The following USP24 variants were observed in gnomAD, a reference collection of about 807,000 sequenced individuals.
USP24 encodes ubiquitin carboxyl-terminal hydrolase 24.
In USP24, 97 loss-of-function variants were observed where a neutral mutation model predicts 361.6. The ratio of observed to expected loss-of-function variants is 0.27; its 90% CI spans 0.23 to 0.32. USP24 has a LOEUF of 0.32. Ranked by LOEUF, USP24 falls within the 10% of genes least tolerant of loss-of-function variation. The probability of loss-of-function intolerance (pLI) is 1.00; values close to 1 mark genes in which losing one functional copy is unlikely to be tolerated. For synonymous variants in USP24, 1,098 were observed against 1,124.6 expected, an observed-to-expected ratio of 0.98 and a Z score of 0.47; for missense variants, 2,353 against 3,165.6, an observed-to-expected ratio of 0.74 and a Z score of 6.16.
chr1:55,124,730 C>T, intron 34 of USP24, 102 bp from the exon 35 acceptor site: 1 of 1,291,420 alleles, frequency 7.7e-7, no homozygotes, highest in Non-Finnish European at 1.1e-6. Context: ...CCTCCTTTCC[C>T]TCCAAGGTCA....
chr1:55,190,453 T>C (rs1464022190), intron 1 of USP24, among the ~76,000 whole-genome samples: 2 of 152,124 alleles, frequency 1.3e-5, no homozygotes, highest in Non-Finnish European at 1.5e-5. Context: ...TTGGCAAAAA[T>C]TACATACTGA....
intron 31 of USP24, among the ~76,000 whole-genome samples, chr1:55,130,832 T>C (rs1646570862): frequency 6.6e-6 from 1 of 152,164 alleles, no homozygotes; most frequent in Non-Finnish European, 1.5e-5. Context: ...AATGAACAAA[T>C]TGCAAAGAAA....
intron 34 of USP24, 46 bp downstream of exon 34, chr1:55,125,274 T>G: frequency 6.4e-7 from 1 of 1,568,996 alleles, no homozygotes; most frequent in Non-Finnish European, 8.8e-7. Flanking sequence ...AACAGGACAT[T>G]CTGAATAAGA....
At chr1:55,082,673 C>T (rs1645174888) in intron 58 of USP24, among the ~76,000 whole-genome samples, 1 of 152,116 alleles carries the variant, frequency 6.6e-6, no homozygotes, top group Admixed American at 6.6e-5. Context: ...ATAGTCCCAG[C>T]TACCAGGGGG....
rs1389808992 is a variant in USP24, at chr1:55,177,932, A to C, written c.490+35T>G. 3 of 1,531,894 alleles carry C rather than the reference A, an allele frequency of 2.0e-6. No homozygotes were observed. In the East Asian group the frequency reaches 7.4e-5, roughly 38 times the overall value. 94.9% of individuals were successfully genotyped at this position (1,531,894 alleles called of 1,614,324 possible). A position where few individuals can be genotyped will look rare whatever the true frequency, so the allele number is the denominator to read the frequency against. On this transcript the variant is annotated intron_variant, in intron 2 of 67. Transcript: ENST00000294383. ...TTAAACTCAGGCCTTCTATGAAACAAATGTCCTCATGTGTTCTAAGGTCTG... is the reference window on the plus strand; with the variant it reads ...TTAAACTCAGGCCTTCTATGAAACACATGTCCTCATGTGTTCTAAGGTCTG...
intron 1 of USP24, among the ~76,000 whole-genome samples, chr1:55,200,741 C>T (rs1644548562): frequency 6.6e-6 from 1 of 152,144 alleles, no homozygotes; most frequent in African/African-American, 2.4e-5. Context: ...TCTTTCCTCT[C>T]CAGAAATGAC....
chr1:55,069,255 C>T (rs1644870919), intron 67 of USP24, 148 bp from the exon 68 acceptor site: 1 of 721,636 alleles, frequency 1.4e-6, no homozygotes, highest in Non-Finnish European at 2.3e-6. Flanking sequence ...ACTATTACAT[C>T]TAATATTTGA....
intron 66 of USP24, 104 bp from the exon 67 acceptor site, chr1:55,072,028 G>A (rs1570329016): frequency 9.6e-7 from 1 of 1,046,258 alleles, no homozygotes; most frequent in Admixed American, 2.0e-5. Context: ...TGGGACCGGA[G>A]GCCTGAGAGT....
chr1:55,172,970 G>A (rs1185441554), intron 3 of USP24, among the ~76,000 whole-genome samples: 1 of 152,096 alleles, frequency 6.6e-6, no homozygotes, highest in Non-Finnish European at 1.5e-5. Context: ...AGGATTAAAA[G>A]ATATAACAAA....
rs974884767 is a variant in USP24, at chr1:55,159,048, TAAAAACAA to T, written c.1069-20_1069-13del. 2.7e-6 allele frequency: 4 copies of T among 1,454,584 alleles called. No individual in the cohort carries two copies. The African/African-American group carries it at 4.3e-5, about 16-fold the overall frequency. 90.1% of individuals were successfully genotyped at this position (1,454,584 alleles called of 1,614,324 possible). On this transcript the variant is annotated splice_polypyrimidine_tract_variant and intron_variant, in intron 9 of 67. Coordinates refer to ENST00000294383, the MANE Select transcript of USP24 (RefSeq NM_015306.3). The stretch of plus-strand genomic sequence containing the variant: ...ATGCTAACCAATCTCTTTTATTGAA[TAAAAACAA>T]AAAAACAAAAAAGGAACTGTAAAAA...
At chr1:55,117,714 G>T (rs569543758) in intron 38 of USP24, among the ~76,000 whole-genome samples, 1 of 124,974 alleles carries the variant, frequency 8.0e-6, no homozygotes, top group South Asian at 2.7e-4. Context: ...CCGCAGTCCG[G>T]CCTGGGCGAC....
At chr1:55,123,254 T>C (rs968375608) in intron 36 of USP24, among the ~76,000 whole-genome samples, 193 bp downstream of exon 36, 3 of 152,222 alleles carry the variant, frequency 2.0e-5, no homozygotes, top group African/African-American at 7.2e-5. Context: ...GAACCTCATA[T>C]ACAGAAGGTG....
chr1:55,170,587 T>G (rs1312981764), intron 5 of USP24, among the ~76,000 whole-genome samples: 1 of 152,134 alleles, frequency 6.6e-6, no homozygotes, highest in East Asian at 1.9e-4. Context: ...TTCTCACCTA[T>G]GAAATGGGGG....
chr1:55,162,748 T>TAA (rs1476809209), intron 7 of USP24, among the ~76,000 whole-genome samples: 1 of 152,154 alleles, frequency 6.6e-6, no homozygotes, highest in Non-Finnish European at 1.5e-5. Context: ...CACTGACCTA[T>TAA]AAATTTAATG....
Position 55,089,681 on chromosome 1 carries a change from G to A in USP24, c.6614C>T (p.Ala2205Val). 1 of 1,605,060 alleles carries A rather than the reference G, an allele frequency of 6.2e-7. No individual in the cohort carries two copies. Among genetic ancestry groups the A allele is most frequent in the Non-Finnish European group, 8.5e-7 (1 of 1,175,200 alleles). ...IEALLSKSFD[A>V]CQWLVEYFIS... Reference sequence around the variant, plus strand: ...AAAATATTCAACTAACCACTGACAAGCATCAAAACTTTTTGAAAGCAATGC... The same window carrying A: ...AAAATATTCAACTAACCACTGACAAACATCAAAACTTTTTGAAAGCAATGC... The change falls in exon 55 of 68, where the codon GCT becomes GTT. Residue 2205 changes from alanine (A) to valine (V), a missense_variant. Physicochemically the swap from Ala to Val is moderately conservative, Grantham distance 64 (BLOSUM62 0). Coordinates refer to ENST00000294383, the MANE Select transcript of USP24 (RefSeq NM_015306.3).
At chr1:55,123,358 A>G in intron 36 of USP24, 89 bp downstream of exon 36, 1 of 1,381,274 alleles carries the variant, frequency 7.2e-7, no homozygotes. Flanking sequence ...GACCAATGGG[A>G]CCTTATCTAG....
At chr1:55,195,581 T>C (rs890885215) in intron 1 of USP24, among the ~76,000 whole-genome samples, 5 of 152,170 alleles carry the variant, frequency 3.3e-5, no homozygotes, top group Admixed American at 1.3e-4. Flanking sequence ...TGTAAGAGTA[T>C]TACGAAAGTA....
chr1:55,093,775 G>T, intron 52 of USP24, 162 bp downstream of exon 52: 1 of 941,494 alleles, frequency 1.1e-6, no homozygotes, highest in Non-Finnish European at 1.5e-6. Context: ...CTAGCTCTAT[G>T]GCCCCCTCTG....
In USP24 at chr1:55,165,867, TACAGTAGTTTA is replaced by T; in HGVS notation, c.927+7_927+17del. The T allele has an allele frequency of 6.3e-7, 1 of 1,582,454 alleles. No homozygotes were observed. ...GAAATGAATTTCCACAGTGAGCATA[TACAGTAGTTTA>T]ACTTACCCCAAGTTCTATATCTTCT... On this transcript the variant is annotated splice_region_variant and intron_variant, in intron 7 of 67. Transcript: ENST00000294383.
Sources: allele counts gnomAD v4.1 joint callset (sites outside exome capture counted in the v4.1 genomes callset), GRCh38; gene constraint gnomAD v4.1.1; transcripts MANE v1.5; gene names NCBI Gene and HGNC (gene_info 2026-07-23, HGNC 2026-07-21).